The following POLR2M variants were observed in gnomAD, a reference collection of about 807,000 sequenced individuals.
POLR2M encodes protein GRINL1A.
In POLR2M, 30 loss-of-function variants were observed where a neutral mutation model predicts 34.6. The observed-to-expected ratio is 0.87, with a 90% CI of 0.65 to 1.18. The LOEUF (loss-of-function observed/expected upper bound fraction) is 1.18. POLR2M is among the 50% of genes most tolerant of loss of function. The pLI is 0.00. For missense variants in POLR2M, 432 were observed against 448.7 expected, an observed-to-expected ratio of 0.96 and a Z score of 0.34; for synonymous variants, 150 against 166.7, an observed-to-expected ratio of 0.90 and a Z score of 0.77.
rs1242723803 is a variant in POLR2M at position 57,716,039 on chromosome 15, A to G, written c.*1360A>G. Reference sequence around the variant, plus strand: ...ATGTTATTTCTGGAAGCTGGATGATATGGAAGAGTTCATGTGCCTGGACAC... The same window carrying G: ...ATGTTATTTCTGGAAGCTGGATGATGTGGAAGAGTTCATGTGCCTGGACAC... On this transcript the variant is annotated 3_prime_UTR_variant, in exon 4 of 4. Coordinates refer to ENST00000299638, the MANE Select transcript of POLR2M (RefSeq NM_015532.5). 6 of 152,320 alleles carry G rather than the reference A, an allele frequency of 3.9e-5. No individual in the cohort carries two copies. The highest frequency in any genetic ancestry group is 5.9e-5 in the Non-Finnish European group (4 of 68,062). 9.4% of individuals were successfully genotyped at this position (152,320 alleles called of 1,614,324 possible).
At position 57,713,431 on chromosome 15, in the gene POLR2M, GTT is replaced by G. The variant is rs72073238; in HGVS notation, c.964-1097_964-1096del. On this transcript the variant is annotated intron_variant, in intron 3 of 3. Transcript: ENST00000299638. ...GAATTAAACCCTTCATCTTTAAATT[GTT>G]TTTTTTTAGCAGAGAAGTTGTAGTG... 3.3e-5 allele frequency among the ~76,000 whole-genome samples: 5 copies of G among 151,040 alleles called. No homozygotes were observed. In the South Asian group the frequency reaches 1.0e-3, roughly 32 times the overall value.
intron 2 of POLR2M, among the ~76,000 whole-genome samples, chr15:57,711,580 T>C (rs2040714988): frequency 6.6e-6 from 1 of 152,218 alleles, no homozygotes; most frequent in South Asian, 2.1e-4. Context: ...GAAACTTTTC[T>C]TAGCCTCCCT....
rs1319194681 is a variant in POLR2M at position 57,709,221 on chromosome 15, A to G, written c.621A>G (p.Gln207=). ...TCACCATTGCGGACCAAGGTGAACA[A>G]CAGTCAGAAGAAAACGCAAGTACTA... The part of the protein sequence containing the change: ...QRITIADQGE[Q]QSEENASTKN... The change falls in exon 2 of 4, where the codon CAA becomes CAG. Residue 207 remains glutamine (Q), a synonymous_variant. Transcript: ENST00000299638. 6.2e-7 allele frequency: 1 copy of G among 1,614,238 alleles called. No individual in the cohort carries two copies. Among genetic ancestry groups the G allele is most frequent in the East Asian group, 2.2e-5 (1 of 44,890 alleles).
Position 57,714,991 on chromosome 15 carries a change from C to T in POLR2M, c.*312C>T, listed in dbSNP as rs1441237276. 2 of 229,160 alleles carry T rather than the reference C, an allele frequency of 8.7e-6. No individual in the cohort carries two copies. Among genetic ancestry groups the T allele is most frequent in the East Asian group, 1.2e-4 (1 of 8,456 alleles). 14.2% of individuals were successfully genotyped at this position (229,160 alleles called of 1,614,324 possible). A position where few individuals can be genotyped will look rare whatever the true frequency, so the allele number is the denominator to read the frequency against. ...AGCCAAATGAAAAGAGGTAACTTTG[C>T]TTTTTTCCTTTTTCTTACCTATCAA... On this transcript the variant is annotated 3_prime_UTR_variant, in exon 4 of 4. Coordinates refer to ENST00000299638, the MANE Select transcript of POLR2M (RefSeq NM_015532.5).
rs1352887490 is a variant in POLR2M, at chr15:57,714,643, G to T, written c.1071G>T (p.Arg357Ser). ...GESSGRYREV[R>S]DEDDDWSSDE... ...CTTCAGGGAGATACCGAGAAGTAAG[G>T]GATGAAGATGACGATTGGTCCTCTG... Residue 357 changes from arginine (R) to serine (S), a missense_variant, in exon 4 of 4, where the codon AGG (arginine) becomes AGT (serine). Coordinates refer to ENST00000299638, the MANE Select transcript of POLR2M (RefSeq NM_015532.5). 3 of 1,612,066 alleles carry T rather than the reference G, an allele frequency of 1.9e-6. No homozygotes were observed.
chr15:57,711,177 C>T (rs1414371906), intron 2 of POLR2M, among the ~76,000 whole-genome samples: 3 of 152,172 alleles, frequency 2.0e-5, no homozygotes, highest in African/African-American at 7.2e-5. Context: ...CGATTTTTCT[C>T]ATCTCCATAT....
chr15:57,711,745 G>GAAAAA (rs11459856), intron 2 of POLR2M, among the ~76,000 whole-genome samples: 4 of 125,276 alleles, frequency 3.2e-5, no homozygotes, highest in Non-Finnish European at 5.3e-5. Context: ...TTGAATAAAT[G>GAAAAA]AAAAAAAAAA....
Position 57,708,884 on chromosome 15 carries a change from G to A in POLR2M, c.284G>A (p.Gly95Asp). 1 of 1,614,026 alleles carries A rather than the reference G, an allele frequency of 6.2e-7. No homozygotes were observed. Among genetic ancestry groups the A allele is most frequent in the Non-Finnish European group, 8.5e-7 (1 of 1,179,914 alleles). Residue 95 changes from glycine to aspartate, a missense_variant, in exon 2 of 4, where the codon GGT (glycine) becomes GAT (aspartate). Physicochemically the swap from Gly to Asp is moderately conservative, Grantham distance 94. Transcript: ENST00000299638. ...AAAGCAATTGCAGAAGTTGATGTGG[G>A]TACAGATAAGGCCCAGAATTCTGAC... Reference protein sequence around the residue: ...RQKAIAEVDVGTDKAQNSDPI... With the variant: ...RQKAIAEVDVDTDKAQNSDPI...
chr15:57,707,314 C>T, intron 1 of POLR2M: 1 of 732,324 alleles, frequency 1.4e-6, no homozygotes, highest in Non-Finnish European at 2.3e-6. Flanking sequence ...AGCTTCATCT[C>T]TGGATTCTAA....
rs1372210838 is a variant in POLR2M at position 57,708,964 on chromosome 15, A to C, written c.364A>C (p.Lys122Gln). Residue 122 changes from lysine (K) to glutamine (Q), a missense_variant, in exon 2 of 4, where the codon AAG becomes CAG. Coordinates refer to ENST00000299638, the MANE Select transcript of POLR2M (RefSeq NM_015532.5). ...VPGCSSVDNI[K>Q]SSQTSQNQGL... Reference sequence around the variant, plus strand: ...TGGATGTTCCTCTGTAGATAACATCAAGTCATCTCAAACCTCACAAAACCA... The same window carrying C: ...TGGATGTTCCTCTGTAGATAACATCCAGTCATCTCAAACCTCACAAAACCA... 6.2e-7 allele frequency: 1 copy of C among 1,613,954 alleles called. No individual in the cohort carries two copies. The highest frequency in any genetic ancestry group is 8.5e-7 in the Non-Finnish European group (1 of 1,179,932).
rs2040917654 is a variant in POLR2M at position 57,715,767 on chromosome 15, C to T, written c.*1088C>T. 2 of 152,196 alleles carry T rather than the reference C, an allele frequency of 1.3e-5. No individual in the cohort carries two copies. The highest frequency in any genetic ancestry group is 4.8e-5 in the African/African-American group (2 of 41,440). 9.4% of individuals were successfully genotyped at this position (152,196 alleles called of 1,614,324 possible). A position where few individuals can be genotyped will look rare whatever the true frequency, so the allele number is the denominator to read the frequency against. The stretch of plus-strand genomic sequence containing the variant: ...AATTCTTTGTCTAATATATTGGAGT[C>T]TTTAAAAGTGTTGAAGAATAAAATA... On this transcript the variant is annotated 3_prime_UTR_variant, in exon 4 of 4. Transcript: ENST00000299638.
At chr15:57,707,227 C>T (rs1165126136) in intron 1 of POLR2M, 3 of 1,346,220 alleles carry the variant, frequency 2.2e-6, no homozygotes, top group South Asian at 1.5e-5. Context: ...TTTATTTACC[C>T]GGGGACTGTG....
intron 2 of POLR2M, among the ~76,000 whole-genome samples, chr15:57,710,216 G>C (rs1567267533): frequency 6.6e-6 from 1 of 152,176 alleles, no homozygotes; most frequent in Non-Finnish European, 1.5e-5. Flanking sequence ...ATTCAGGCAG[G>C]ATAGGCAAAA....
intron 2 of POLR2M, among the ~76,000 whole-genome samples, chr15:57,709,565 T>C (rs1426305990): frequency 6.6e-6 from 1 of 152,156 alleles, no homozygotes; most frequent in African/African-American, 2.4e-5. Flanking sequence ...AGGAGAATGC[T>C]CTAAGTTCCG....
At chr15:57,711,649 T>A (rs1261281362) in intron 2 of POLR2M, among the ~76,000 whole-genome samples, 3 of 151,926 alleles carry the variant, frequency 2.0e-5, no homozygotes, top group African/African-American at 7.3e-5. Flanking sequence ...GAGATATCTA[T>A]CACAGTATCT....
rs1319276742 is a variant in POLR2M at position 57,706,788 on chromosome 15, G to A, written c.-55G>A. On this transcript the variant is annotated 5_prime_UTR_variant, in exon 1 of 4. Transcript: ENST00000299638. Reference sequence around the variant, plus strand: ...GTCCGCGGATCCGGCGCTAGTAGCGGGGCCTGCCGAGGAAGCCGAGTGCCC... The same window carrying A: ...GTCCGCGGATCCGGCGCTAGTAGCGAGGCCTGCCGAGGAAGCCGAGTGCCC... 2 of 1,534,868 alleles carry A rather than the reference G, an allele frequency of 1.3e-6. No individual in the cohort carries two copies. The highest frequency in any genetic ancestry group is 1.2e-5 in the South Asian group (1 of 83,036).
At position 57,717,297 on chromosome 15, in the gene POLR2M, C is replaced by G. The variant is rs1378134797; in HGVS notation, c.*2618C>G. On this transcript the variant is annotated 3_prime_UTR_variant, in exon 4 of 4. Coordinates refer to ENST00000299638, the MANE Select transcript of POLR2M (RefSeq NM_015532.5). ...TTTAAATTTTGTGAAATATAACTTA[C>G]AAATAAGTACTTAAAACAGAGCTTA... 4 of 152,146 alleles carry G rather than the reference C, an allele frequency of 2.6e-5. No homozygotes were observed. The highest frequency in any genetic ancestry group is 5.9e-5 in the Non-Finnish European group (4 of 68,026). 9.4% of individuals were successfully genotyped at this position (152,146 alleles called of 1,614,324 possible).
intron 2 of POLR2M, among the ~76,000 whole-genome samples, chr15:57,711,137 C>T (rs1303696286): frequency 6.6e-6 from 1 of 152,192 alleles, no homozygotes; most frequent in Admixed American, 6.5e-5. Flanking sequence ...GTGCCACCAC[C>T]TTCTCGGTTT....
At chr15:57,707,198 T>A in intron 1 of POLR2M, 1 of 1,461,976 alleles carries the variant, frequency 6.8e-7, no homozygotes, top group Non-Finnish European at 9.1e-7. Context: ...TTGCAGGGAG[T>A]TAGTAGCCCC....
Sources: gnomAD v4.1 joint callset for allele counts (sites outside exome capture counted in the v4.1 genomes callset) on GRCh38, gnomAD v4.1.1 for gene constraint, MANE v1.5 for transcripts, NCBI Gene and HGNC (gene_info 2026-07-23, HGNC 2026-07-21) for gene names.